The following UNC5D variants were observed in gnomAD, a reference collection of about 807,000 sequenced individuals.
UNC5D encodes the protein netrin receptor UNC5D.
In UNC5D, 39 loss-of-function variants were observed where a neutral mutation model predicts 105.4. The observed-to-expected ratio is 0.37, with a 90% CI of 0.29 to 0.48. The LOEUF is 0.48. Ranked by LOEUF, UNC5D falls within the 20% of genes least tolerant of loss-of-function variation. The pLI is 0.98. For synonymous variants in UNC5D, 452 were observed against 450.4 expected (o/e 1.00, Z -0.04); for missense variants, 991 against 1,202.4 (o/e 0.82, Z 2.60).
intron 1 of UNC5D, among the ~76,000 whole-genome samples, chr8:35,523,239 C>A (rs575901273): frequency 6.6e-6 from 1 of 151,968 alleles, no homozygotes; most frequent in Non-Finnish European, 1.5e-5. Flanking sequence ...CACACCACCA[C>A]GTCTAGCTAA....
intron 1 of UNC5D, among the ~76,000 whole-genome samples, chr8:35,436,563 G>T (rs1025589925): frequency 2.0e-5 from 3 of 151,998 alleles, no homozygotes; most frequent in African/African-American, 7.2e-5. Context: ...AAACTTTCTA[G>T]TATTTTCAAG....
intron 13 of UNC5D, among the ~76,000 whole-genome samples, chr8:35,757,781 A>C (rs370952250): frequency 6.6e-6 from 1 of 152,136 alleles, no homozygotes; most frequent in African/African-American, 2.4e-5. Flanking sequence ...TTAATTTCCT[A>C]TCCTCCCCAT....
rs377760082 is a variant in UNC5D at position 35,268,997 on chromosome 8, G to A, written c.103+33110G>A. 1.7e-3 allele frequency among the ~76,000 whole-genome samples: 256 copies of A among 152,212 alleles called. 9 individuals are homozygous for A. In the South Asian group the frequency reaches 0.048, roughly 28 times the overall value. Reference sequence around the variant, plus strand: ...CACGAATTCATGAAACAGTATGTGGGTGGGTAACCATAGTTTACATTAATC... The same window carrying A: ...CACGAATTCATGAAACAGTATGTGGATGGGTAACCATAGTTTACATTAATC... On this transcript the variant is annotated intron_variant, in intron 1 of 16. Coordinates refer to ENST00000404895, the MANE Select transcript of UNC5D (RefSeq NM_080872.4).
intron 1 of UNC5D, among the ~76,000 whole-genome samples, chr8:35,289,374 T>A (rs1417525120): frequency 6.6e-6 from 1 of 152,174 alleles, no homozygotes; most frequent in Non-Finnish European, 1.5e-5. Context: ...TATTAAATGA[T>A]CTGAAGGGAC....
intron 7 of UNC5D, among the ~76,000 whole-genome samples, chr8:35,696,591 T>C (rs1826797292): frequency 6.6e-6 from 1 of 152,114 alleles, no homozygotes; most frequent in Non-Finnish European, 1.5e-5. Flanking sequence ...TAATCTACTG[T>C]TGTGAAAAAC....
chr8:35,778,187 G>A (rs1802343815), intron 16 of UNC5D, among the ~76,000 whole-genome samples: 1 of 152,124 alleles, frequency 6.6e-6, no homozygotes, highest in Admixed American at 6.5e-5. Flanking sequence ...TTTTAACAGG[G>A]CCTTCTCATT....
At chr8:35,366,343 A>G (rs1802124924) in intron 1 of UNC5D, among the ~76,000 whole-genome samples, 1 of 151,958 alleles carries the variant, frequency 6.6e-6, no homozygotes, top group Non-Finnish European at 1.5e-5. Flanking sequence ...GGTCTTGTGC[A>G]TGCACTTTAC....
chr8:35,320,129 T>C (rs1198468613), intron 1 of UNC5D, among the ~76,000 whole-genome samples: 1 of 152,000 alleles, frequency 6.6e-6, no homozygotes, highest in East Asian at 1.9e-4. Flanking sequence ...TTTTACACAC[T>C]TTAGGGAGAC....
chr8:35,452,430 A>AT (rs1184141975), intron 1 of UNC5D, among the ~76,000 whole-genome samples: 16 of 151,910 alleles, frequency 1.1e-4, no homozygotes, highest in Non-Finnish European at 2.4e-4. Flanking sequence ...ATGCCCAGCT[A>AT]TTTTTTTGTA....
intron 1 of UNC5D, among the ~76,000 whole-genome samples, chr8:35,305,593 C>CTCTTTCTTTCTTTCA: frequency 7.0e-6 from 1 of 142,144 alleles, no homozygotes; most frequent in African/African-American, 2.7e-5. Context: ...TTCTTTCTTT[C>CTCTTTCTTTCTTTCA]TTTCTTTCTT....
intron 3 of UNC5D, among the ~76,000 whole-genome samples, chr8:35,577,951 G>C (rs1336431408): frequency 6.6e-6 from 1 of 152,036 alleles, no homozygotes; most frequent in Non-Finnish European, 1.5e-5. Flanking sequence ...GTGACCTGGC[G>C]CAGTAGCTCA....
intron 3 of UNC5D, among the ~76,000 whole-genome samples, chr8:35,574,140 C>T (rs1817937717): frequency 1.3e-5 from 2 of 152,208 alleles, no homozygotes; most frequent in South Asian, 4.1e-4. Flanking sequence ...ATTTGGCTGC[C>T]TAGCCCTTTA....
intron 1 of UNC5D, among the ~76,000 whole-genome samples, chr8:35,284,234 C>G (rs921363076): frequency 6.6e-6 from 1 of 152,114 alleles, no homozygotes; most frequent in Non-Finnish European, 1.5e-5. Context: ...GGGGCATAAG[C>G]AACTTTTATT....
At position 35,767,048 on chromosome 8, in the gene UNC5D, G is replaced by A. The variant is rs970560339; in HGVS notation, c.2460G>A (p.Val820=). 6.2e-7 allele frequency: 1 copy of A among 1,613,212 alleles called. No homozygotes were observed. Among genetic ancestry groups the A allele is most frequent in the African/African-American group, 1.3e-5 (1 of 74,906 alleles). ...AAGGCCATGAACAGATCCTCCAAGT[G>A]CAGACATCAATCCTAGAGGTGAGTC... The part of the protein sequence containing the change: ...QLKGHEQILQ[V]QTSILESERE... Residue 820 remains valine, a synonymous_variant, in exon 15 of 17, where the codon GTG becomes GTA. Coordinates refer to ENST00000404895, the MANE Select transcript of UNC5D (RefSeq NM_080872.4).
At chr8:35,692,393 C>G (rs1444816459) in intron 7 of UNC5D, among the ~76,000 whole-genome samples, 1 of 152,224 alleles carries the variant, frequency 6.6e-6, no homozygotes, top group African/African-American at 2.4e-5. Flanking sequence ...TTATCCATTA[C>G]AGTAATTACC....
rs542037521 is a variant in UNC5D, at chr8:35,413,219, G to A, written c.104-136073G>A. On this transcript the variant is annotated intron_variant, in intron 1 of 16. Transcript: ENST00000404895. ...GCTCCTGCATCTTAGATTTCTGAAGGCACCCCTCTCAGAATTCCTAATCAG... is the reference window on the plus strand; with the variant it reads ...GCTCCTGCATCTTAGATTTCTGAAGACACCCCTCTCAGAATTCCTAATCAG... Among the ~76,000 whole-genome samples the A allele has an allele frequency of 7.3e-5, 11 of 149,726 alleles. No homozygotes were observed. The South Asian group carries it at 2.3e-3, about 32-fold the overall frequency.
At chr8:35,404,832 C>T (rs1159787356) in intron 1 of UNC5D, among the ~76,000 whole-genome samples, 1 of 152,080 alleles carries the variant, frequency 6.6e-6, no homozygotes, top group East Asian at 1.9e-4. Context: ...TCAGGTGATA[C>T]CCTGGCCTCG....
intron 1 of UNC5D, among the ~76,000 whole-genome samples, chr8:35,293,908 T>G (rs1371865863): frequency 6.6e-6 from 1 of 152,198 alleles, no homozygotes; most frequent in East Asian, 1.9e-4. Flanking sequence ...GACATTGTAT[T>G]TGGGAGTACG....
chr8:35,475,149 T>G (rs545516445), intron 1 of UNC5D, among the ~76,000 whole-genome samples: 1 of 150,574 alleles, frequency 6.6e-6, no homozygotes, highest in South Asian at 2.1e-4. Context: ...TTCCTTGAAC[T>G]TGGAGAAAAG....
Sources: allele counts gnomAD v4.1 joint callset (sites outside exome capture counted in the v4.1 genomes callset), GRCh38; gene constraint gnomAD v4.1.1; transcripts MANE v1.5; gene names NCBI Gene and HGNC (gene_info 2026-07-23, HGNC 2026-07-21).